Variants in GRM1 observed in about 807,000 individuals in gnomAD.
GRM1 encodes glutamate metabotropic receptor 1, also known as metabotropic glutamate receptor 1.
GRM1 carries 33 observed loss-of-function variants against 90.9 expected under a neutral mutation model. The observed-to-expected ratio is 0.36, with a 90% CI of 0.28 to 0.49. The LOEUF is 0.49. GRM1 is among the 20% of genes least tolerant of loss of function. The pLI is 0.99. For missense variants in GRM1, 1,190 were observed against 1,534.3 expected, an observed-to-expected ratio of 0.78 and a Z score of 3.75; for synonymous variants, 700 against 613.2, an observed-to-expected ratio of 1.14 and a Z score of -2.09.
chr6:146,117,662 C>A (rs1222243561), intron 1 of GRM1, among the ~76,000 whole-genome samples: 1 of 151,804 alleles, frequency 6.6e-6, no homozygotes, highest in Non-Finnish European at 1.5e-5. Flanking sequence ...TTTAGGTATT[C>A]TTTTATTACA....
rs144737520 is a variant in GRM1 at position 146,368,251 on chromosome 6, GT to G, written c.1602+10566del. Among the ~76,000 whole-genome samples the G allele has an allele frequency of 7.3e-3, 707 of 96,880 alleles. 6 individuals carry two copies. The highest frequency in any genetic ancestry group is 0.013 in the Admixed American group (128 of 9,552). The allele number at this position is 96,880 out of a possible 152,430, so 63.6% of individuals were successfully genotyped here. On this transcript the variant is annotated intron_variant, in intron 5 of 7. Transcript: ENST00000282753. Reference sequence around the variant, plus strand: ...CTGAATTCATTTATCATTTTCTACAGTTTTTTTTTGGGGGGGGGGGTAGAAT... The same window carrying G: ...CTGAATTCATTTATCATTTTCTACAGTTTTTTTTGGGGGGGGGGGTAGAAT...
intron 1 of GRM1, among the ~76,000 whole-genome samples, chr6:146,101,043 T>C (rs1777033579): frequency 6.6e-6 from 1 of 152,180 alleles, no homozygotes; most frequent in African/African-American, 2.4e-5. Context: ...TAGAGAGCTA[T>C]GATTACGCCA....
intron 2 of GRM1, among the ~76,000 whole-genome samples, chr6:146,254,066 T>C (rs1474337502): frequency 6.6e-6 from 1 of 152,100 alleles, no homozygotes; most frequent in Admixed American, 6.6e-5. Flanking sequence ...ATTCTGAGTA[T>C]AAACAACTTT....
chr6:146,386,749 C>G (rs1185623013), intron 5 of GRM1, 141 bp from the exon 6 acceptor site: 2 of 666,512 alleles, frequency 3.0e-6, no homozygotes, highest in Non-Finnish European at 5.2e-6. Context: ...AATTCACATT[C>G]TTAAGATTCC....
chr6:146,243,399 A>G (rs1780936307), intron 2 of GRM1, among the ~76,000 whole-genome samples: 1 of 152,066 alleles, frequency 6.6e-6, no homozygotes, highest in Non-Finnish European at 1.5e-5. Flanking sequence ...ACAGAATCCT[A>G]TCTCTGGAAT....
chr6:146,310,639 T>C (rs1783740260), intron 3 of GRM1, among the ~76,000 whole-genome samples: 1 of 152,206 alleles, frequency 6.6e-6, no homozygotes, highest in Non-Finnish European at 1.5e-5. Context: ...ACCTTACCAT[T>C]TATTAACTCT....
intron 1 of GRM1, among the ~76,000 whole-genome samples, chr6:146,043,870 G>T: frequency 6.7e-6 from 1 of 148,224 alleles, no homozygotes; most frequent in South Asian, 2.1e-4. Context: ...ATGCTATGAA[G>T]CAGATGGTAA....
At chr6:146,410,822 G>T (rs1777538025) in intron 7 of GRM1, among the ~76,000 whole-genome samples, 1 of 152,170 alleles carries the variant, frequency 6.6e-6, no homozygotes, top group Non-Finnish European at 1.5e-5. Context: ...TTTCAGTAGG[G>T]TTGGTATTCC....
chr6:146,402,756 T>C (rs1340414330), intron 7 of GRM1, among the ~76,000 whole-genome samples: 1 of 152,196 alleles, frequency 6.6e-6, no homozygotes, highest in Non-Finnish European at 1.5e-5. Context: ...GTTTCTGAGA[T>C]ACGTGGTTGG....
chr6:146,349,237 T>TA (rs1562628722), intron 3 of GRM1, among the ~76,000 whole-genome samples: 1 of 106,006 alleles, frequency 9.4e-6, no homozygotes, highest in Non-Finnish European at 2.0e-5. Context: ...CGGCTATTTT[T>TA]TTTTTTTTAT....
intron 5 of GRM1, among the ~76,000 whole-genome samples, chr6:146,369,217 TTC>T (rs1364264719): frequency 1.3e-5 from 2 of 151,920 alleles, no homozygotes; most frequent in African/African-American, 2.4e-5. Flanking sequence ...TATTTGGGTC[TTC>T]TCTCTTTTTT....
chr6:146,087,616 C>T (rs1776589372), intron 1 of GRM1, among the ~76,000 whole-genome samples: 1 of 152,134 alleles, frequency 6.6e-6, no homozygotes, highest in Non-Finnish European at 1.5e-5. Context: ...TCATCTCTAA[C>T]CCCAGGCAAC....
intron 1 of GRM1, among the ~76,000 whole-genome samples, chr6:146,096,778 A>T (rs1231931409): frequency 6.6e-6 from 1 of 152,156 alleles, no homozygotes; most frequent in Admixed American, 6.6e-5. Flanking sequence ...TGATGATATC[A>T]TTTTTAGCTG....
At chr6:146,036,606 T>C (rs1047524505) in intron 1 of GRM1, among the ~76,000 whole-genome samples, 1 of 151,992 alleles carries the variant, frequency 6.6e-6, no homozygotes, top group Non-Finnish European at 1.5e-5. Flanking sequence ...ACTTAAGGCA[T>C]TGTAGTACCA....
chr6:146,324,544 C>T (rs79729837), intron 3 of GRM1, among the ~76,000 whole-genome samples: 15,588 of 152,184 alleles, frequency 0.1, 2,153 homozygotes, highest in African/African-American at 0.31. Flanking sequence ...ATCCCAGGGC[C>T]CTGGTGGTAT....
At chr6:146,406,374 C>A (rs1777347765) in intron 7 of GRM1, among the ~76,000 whole-genome samples, 1 of 152,080 alleles carries the variant, frequency 6.6e-6, no homozygotes, top group South Asian at 2.1e-4. Flanking sequence ...TGAAAATAAA[C>A]CCCATCCTAC....
At chr6:146,420,059 C>A (rs377094321) in intron 7 of GRM1, among the ~76,000 whole-genome samples, 1 of 152,212 alleles carries the variant, frequency 6.6e-6, no homozygotes, top group Non-Finnish European at 1.5e-5. Context: ...TCTCCCTCAA[C>A]ACATTTGCTG....
intron 2 of GRM1, among the ~76,000 whole-genome samples, chr6:146,272,768 G>A (rs1782215985): frequency 1.3e-5 from 2 of 152,134 alleles, no homozygotes; most frequent in Admixed American, 6.5e-5. Context: ...TTTTTTAAGG[G>A]TAATCCTGTT....
At chr6:146,289,451 G>C (rs1782899616) in intron 2 of GRM1, among the ~76,000 whole-genome samples, 1 of 152,156 alleles carries the variant, frequency 6.6e-6, no homozygotes, top group Non-Finnish European at 1.5e-5. Flanking sequence ...TATTATGAAA[G>C]AGTCAGACAA....
Sources: gnomAD v4.1 joint callset for allele counts (sites outside exome capture counted in the v4.1 genomes callset) on GRCh38, gnomAD v4.1.1 for gene constraint, MANE v1.5 for transcripts, NCBI Gene and HGNC (gene_info 2026-07-23, HGNC 2026-07-21) for gene names.